NRG1: variants seen among roughly 807,000 people sequenced by gnomAD.
NRG1 encodes pro-neuregulin-1, membrane-bound isoform.
A neutral mutation model predicts 63.8 loss-of-function variants in NRG1; 18 were observed. The observed-to-expected ratio is 0.28, with a 90% CI of 0.19 to 0.42. The LOEUF is 0.42. Among genes scored for constraint, NRG1 ranks in the 10% least tolerant of loss-of-function variants. The pLI is 1.00. For synonymous variants in NRG1, 302 were observed against 301.3 expected, an observed-to-expected ratio of 1.00 and a Z score of -0.02; for missense variants, 762 against 814.7, an observed-to-expected ratio of 0.94 and a Z score of 0.79.
chr8:32,116,553 A>G (rs533801890), intron 1 of NRG1, among the ~76,000 whole-genome samples: 1 of 152,288 alleles, frequency 6.6e-6, no homozygotes, highest in Admixed American at 6.5e-5. Context: ...AGGCAAGAGT[A>G]AGTGGTTTAA....
At chr8:31,760,205 C>A (rs553495138) in intron 1 of NRG1, among the ~76,000 whole-genome samples, 54 of 152,166 alleles carry the variant, frequency 3.5e-4, no homozygotes, top group African/African-American at 1.2e-3. Context: ...AGTCTTTAAT[C>A]CATCTTGAAT....
At chr8:31,831,427 A>ATT (rs35128768) in intron 1 of NRG1, among the ~76,000 whole-genome samples, 1 of 151,990 alleles carries the variant, frequency 6.6e-6, no homozygotes, top group Admixed American at 6.5e-5. Context: ...AGGGTTTGAG[A>ATT]TTTTTTTTGG....
At chr8:32,006,393 A>G (rs1362713321) in intron 1 of NRG1, among the ~76,000 whole-genome samples, 1 of 152,060 alleles carries the variant, frequency 6.6e-6, no homozygotes, top group Non-Finnish European at 1.5e-5. Context: ...CACAGGGCTA[A>G]TATCCAGAAT....
intron 1 of NRG1, among the ~76,000 whole-genome samples, chr8:31,934,007 G>A (rs560950742): frequency 6.6e-6 from 1 of 152,244 alleles, no homozygotes; most frequent in African/African-American, 2.4e-5. Flanking sequence ...AGATACCAAA[G>A]ACTTCAGAAC....
chr8:32,225,594 G>A (rs1488570828), intron 1 of NRG1, among the ~76,000 whole-genome samples: 1 of 152,102 alleles, frequency 6.6e-6, no homozygotes, highest in Non-Finnish European at 1.5e-5. Flanking sequence ...CAGGCCCTGT[G>A]CTATATGTGA....
At chr8:32,298,365 T>C (rs1403693951) in intron 1 of NRG1, among the ~76,000 whole-genome samples, 2 of 152,230 alleles carry the variant, frequency 1.3e-5, no homozygotes, top group Non-Finnish European at 2.9e-5. Context: ...TAATTCTTCC[T>C]ATTTCTGTTT....
At chr8:32,082,534 A>G (rs1045988944) in intron 1 of NRG1, among the ~76,000 whole-genome samples, 4 of 152,168 alleles carry the variant, frequency 2.6e-5, no homozygotes, top group African/African-American at 9.7e-5. Flanking sequence ...ATGAAAAACA[A>G]CAGGAAAATA....
rs1031779850 is a variant in NRG1, at chr8:32,568,861, A to G, written c.100+20035A>G. ...AAACAAATTTTTACTTGCAGGCAATATCTTGTTAGTACAGAGAAATAAAAC... is the reference window on the plus strand; with the variant it reads ...AAACAAATTTTTACTTGCAGGCAATGTCTTGTTAGTACAGAGAAATAAAAC... On this transcript the variant is annotated intron_variant, in intron 1 of 11. Coordinates refer to ENST00000356819, the Ensembl canonical transcript of NRG1. Among the ~76,000 whole-genome samples, 5 of 152,278 alleles carry G rather than the reference A, an allele frequency of 3.3e-5. No homozygotes were observed. The East Asian group carries it at 9.7e-4, about 29-fold the overall frequency.
At chr8:32,327,009 T>A (rs553803130) in intron 1 of NRG1, among the ~76,000 whole-genome samples, 30 of 152,298 alleles carry the variant, frequency 2.0e-4, no homozygotes, top group African/African-American at 7.2e-4. Flanking sequence ...GTCTTGGAAA[T>A]TCTGCTAGTC....
At chr8:32,677,323 GACT>G (rs1425194592) in intron 5 of NRG1, among the ~76,000 whole-genome samples, 1 of 152,156 alleles carries the variant, frequency 6.6e-6, no homozygotes, top group Non-Finnish European at 1.5e-5. Context: ...CACTACAGAT[GACT>G]ATTAAATTAT....
intron 1 of NRG1, among the ~76,000 whole-genome samples, chr8:32,222,281 C>T (rs1845902033): frequency 6.6e-6 from 1 of 152,018 alleles, no homozygotes; most frequent in African/African-American, 2.4e-5. Flanking sequence ...CTCTCACAAC[C>T]TTGTTTTTTT....
At chr8:32,744,084 C>G (rs975092872) in intron 7 of NRG1, among the ~76,000 whole-genome samples, 1 of 152,046 alleles carries the variant, frequency 6.6e-6, no homozygotes, top group Non-Finnish European at 1.5e-5. Context: ...AGTTTAAATT[C>G]ACCTAACATA....
rs1017278423 is a variant in NRG1 at position 31,969,006 on chromosome 8, C to A, written c.37+329575C>A. On this transcript the variant is annotated intron_variant, in intron 1 of 10. Coordinates refer to the NRG1 transcript ENST00000519301. Reference sequence around the variant, plus strand: ...AGCTCTCCCAGCATTTGAGCGCTCTCTCCGCTTCGTTTTCAACCATGGTAG... The same window carrying A: ...AGCTCTCCCAGCATTTGAGCGCTCTATCCGCTTCGTTTTCAACCATGGTAG... Among the ~76,000 whole-genome samples, 3 of 152,146 alleles carry A rather than the reference C, an allele frequency of 2.0e-5. No individual in the cohort carries two copies. In the South Asian group the frequency reaches 6.2e-4, roughly 32 times the overall value.
chr8:31,756,090 C>T (rs1456188327), intron 1 of NRG1, among the ~76,000 whole-genome samples: 1 of 152,014 alleles, frequency 6.6e-6, no homozygotes, highest in Non-Finnish European at 1.5e-5. Flanking sequence ...CTGCAAGATC[C>T]TTACAGTCAT....
intron 1 of NRG1, among the ~76,000 whole-genome samples, chr8:31,801,041 G>A (rs1403558138): frequency 4.0e-5 from 6 of 150,654 alleles, no homozygotes; most frequent in Admixed American, 1.3e-4. Flanking sequence ...TAGAGACGGG[G>A]TTTCACCGTG....
At position 32,728,297 on chromosome 8, in the gene NRG1, T is replaced by TTTTTTG. The variant is rs1268337330; in HGVS notation, c.632+237_632+242dup. 4 of 983,614 alleles carry TTTTTTG rather than the reference T, an allele frequency of 4.1e-6. No individual in the cohort carries two copies. In the African/African-American group the frequency reaches 7.0e-5, roughly 17 times the overall value. The allele number at this position is 983,614 out of a possible 1,614,324, so 60.9% of individuals were successfully genotyped here. The stretch of plus-strand genomic sequence containing the variant: ...TGCTCTTTTCAATGTGTGTGAGGTG[T>TTTTTTG]TTTTTGTTTTTGTTTTTGTTTTTTG... On this transcript the variant is annotated intron_variant, in intron 6 of 11. Coordinates refer to ENST00000356819, the Ensembl canonical transcript of NRG1.
intron 1 of NRG1, among the ~76,000 whole-genome samples, chr8:32,413,721 T>C (rs1815443696): frequency 6.6e-6 from 1 of 152,214 alleles, no homozygotes; most frequent in Non-Finnish European, 1.5e-5. Context: ...TGATTGATCC[T>C]AGTTCACCTG....
intron 1 of NRG1, among the ~76,000 whole-genome samples, chr8:31,950,090 A>C (rs1355726299): frequency 6.6e-6 from 1 of 152,190 alleles, no homozygotes; most frequent in African/African-American, 2.4e-5. Flanking sequence ...GTATGAAGAA[A>C]GGTTTGGAAT....
At chr8:32,278,939 G>T (rs560872418) in intron 1 of NRG1, among the ~76,000 whole-genome samples, 1 of 152,340 alleles carries the variant, frequency 6.6e-6, no homozygotes, top group South Asian at 2.1e-4. Flanking sequence ...GAAATATACA[G>T]ATCTTATTCC....
Sources: gnomAD v4.1 joint callset for allele counts (sites outside exome capture counted in the v4.1 genomes callset) on GRCh38, gnomAD v4.1.1 for gene constraint, MANE v1.5 for transcripts, NCBI Gene and HGNC (gene_info 2026-07-23, HGNC 2026-07-21) for gene names.